JMY: variants seen among roughly 807,000 people sequenced by gnomAD.
JMY encodes junction-mediating and -regulatory protein.
A neutral mutation model predicts 103.3 loss-of-function variants in JMY; 46 were observed. The ratio of observed to expected loss-of-function variants is 0.45; its 90% CI spans 0.35 to 0.57. The LOEUF is 0.57. JMY is among the 20% of genes least tolerant of loss of function. The pLI, the probability that JMY is intolerant of heterozygous loss-of-function variation, is 0.00. For synonymous variants in JMY, 526 were observed against 489.3 expected (o/e 1.07, Z -0.99); for missense variants, 1,238 against 1,255.2 (o/e 0.99, Z 0.21).
At chr5:79,271,320 T>C (rs975540119) in intron 1 of JMY, among the ~76,000 whole-genome samples, 5 of 152,162 alleles carry the variant, frequency 3.3e-5, no homozygotes, top group African/African-American at 1.2e-4. Context: ...GTGCAATCCA[T>C]CATGCTCAGC....
chr5:79,262,768 A>C (rs1320841658), intron 1 of JMY, among the ~76,000 whole-genome samples: 2 of 152,248 alleles, frequency 1.3e-5, no homozygotes, highest in African/African-American at 4.8e-5. Flanking sequence ...GGTGCTGCAT[A>C]ATAGCTTTGT....
chr5:79,247,884 ATATTT>A (rs1168365480), intron 1 of JMY, among the ~76,000 whole-genome samples: 77 of 144,178 alleles, frequency 5.3e-4, no homozygotes, highest in African/African-American at 1.9e-3. Context: ...ATTTTATTTT[ATATTT>A]TATTTTATTT....
intron 2 of JMY, chr5:79,284,777 G>A (rs1259304052): frequency 1.9e-6 from 3 of 1,574,748 alleles, no homozygotes; most frequent in Non-Finnish European, 1.7e-6. Context: ...CTGGTGATGA[G>A]CATCTTTCCA....
chr5:79,282,082 C>T (rs559928492), intron 2 of JMY, among the ~76,000 whole-genome samples: 1 of 152,214 alleles, frequency 6.6e-6, no homozygotes, highest in African/African-American at 2.4e-5. Context: ...TGGTGGCCAC[C>T]TGTAGTCCCA....
chr5:79,242,845 A>G (rs1161104160), intron 1 of JMY, among the ~76,000 whole-genome samples: 1 of 151,268 alleles, frequency 6.6e-6, no homozygotes, highest in Non-Finnish European at 1.5e-5. Flanking sequence ...GTACAATGGC[A>G]GTATCTCAGC....
intron 2 of JMY, among the ~76,000 whole-genome samples, chr5:79,281,422 A>G (rs1222999086): frequency 6.9e-6 from 1 of 145,886 alleles, no homozygotes; most frequent in Non-Finnish European, 1.5e-5. Flanking sequence ...ACAATCACAC[A>G]TCTAGGGCCT....
intron 1 of JMY, among the ~76,000 whole-genome samples, chr5:79,251,931 C>A (rs1054250973): frequency 2.0e-5 from 3 of 151,942 alleles, no homozygotes; most frequent in African/African-American, 7.3e-5. Flanking sequence ...TGTGCCACCA[C>A]GCCCGGCTAA....
chr5:79,316,053 C>T lies in JMY; in HGVS notation c.2713C>T (p.Leu905=), dbSNP rs763874319. ...LASLKRGSFH[L]KKVEQRTLPP... ...CTCCTTGAAGCGTGGTAGTTTTCAT[C>T]TGAAAAAGGTTGAACAGCGAACTCT... The change falls in exon 10 of 11, where the codon CTG becomes TTG. Residue 905 remains leucine, a synonymous_variant. Coordinates refer to ENST00000396137, the MANE Select transcript of JMY (RefSeq NM_152405.5). 3 of 1,614,192 alleles carry T rather than the reference C, an allele frequency of 1.9e-6. No homozygotes were observed. The highest frequency in any genetic ancestry group is 2.5e-6 in the Non-Finnish European group (3 of 1,180,026).
chr5:79,275,561 C>T (rs1745914785), intron 1 of JMY, among the ~76,000 whole-genome samples: 1 of 152,202 alleles, frequency 6.6e-6, no homozygotes. Context: ...AGAGCCCTCC[C>T]TGCTTCCAAG....
At chr5:79,315,925 C>T (rs1029179057) in intron 9 of JMY, 75 bp from the exon 10 acceptor site, 7 of 1,294,126 alleles carry the variant, frequency 5.4e-6, no homozygotes, top group East Asian at 2.3e-5. Flanking sequence ...CAGTTGCGAA[C>T]GGTAGAGGTT....
chr5:79,309,686 C>A (rs1410600128), intron 7 of JMY, among the ~76,000 whole-genome samples: 1 of 152,178 alleles, frequency 6.6e-6, no homozygotes, highest in Non-Finnish European at 1.5e-5. Context: ...ATTTTAACCA[C>A]ATAAAATTAG....
chr5:79,275,318 G>A (rs1291863125), intron 1 of JMY, among the ~76,000 whole-genome samples: 2 of 151,970 alleles, frequency 1.3e-5, no homozygotes, highest in African/African-American at 2.4e-5. Context: ...CCGCCACCAC[G>A]CCTGGCTAAT....
At position 79,324,391 on chromosome 5, in the gene JMY, C is replaced by T. The variant is rs1474879722; in HGVS notation, c.*2789C>T. 1 of 152,152 alleles carries T rather than the reference C, an allele frequency of 6.6e-6. No homozygotes were observed. The highest frequency in any genetic ancestry group is 2.4e-5 in the African/African-American group (1 of 41,430). The allele number at this position is 152,152 out of a possible 1,614,324, so 9.4% of individuals were successfully genotyped here. On this transcript the variant is annotated 3_prime_UTR_variant, in exon 11 of 11. Transcript: ENST00000396137. ...ACACATTTCTGTTAATATATGATTTCTGTATCCACAAACCGCTGTTTGCTT... is the reference window on the plus strand; with the variant it reads ...ACACATTTCTGTTAATATATGATTTTTGTATCCACAAACCGCTGTTTGCTT...
chr5:79,285,383 T>G (rs1746237546), intron 2 of JMY, among the ~76,000 whole-genome samples: 1 of 151,548 alleles, frequency 6.6e-6, no homozygotes, highest in Non-Finnish European at 1.5e-5. Flanking sequence ...ATGGGCTGCA[T>G]TTCAGTATCT....
At position 79,324,501 on chromosome 5, in the gene JMY, G is replaced by C. The variant is rs1747567194; in HGVS notation, c.*2899G>C. Reference sequence around the variant, plus strand: ...TAGGTAAAACAAGTAAATGAGTTTGGGACATTTTGAGATTAATGTTACTGC... The same window carrying C: ...TAGGTAAAACAAGTAAATGAGTTTGCGACATTTTGAGATTAATGTTACTGC... On this transcript the variant is annotated 3_prime_UTR_variant, in exon 11 of 11. Coordinates refer to ENST00000396137, the MANE Select transcript of JMY (RefSeq NM_152405.5). 6.6e-6 allele frequency: 1 copy of C among 152,106 alleles called. No homozygotes were observed. The highest frequency in any genetic ancestry group is 2.1e-4 in the South Asian group (1 of 4,826). 9.4% of individuals were successfully genotyped at this position (152,106 alleles called of 1,614,324 possible). A position where few individuals can be genotyped will look rare whatever the true frequency, so the allele number is the denominator to read the frequency against.
At chr5:79,305,811 A>C (rs1302176117) in intron 6 of JMY, among the ~76,000 whole-genome samples, 1 of 152,232 alleles carries the variant, frequency 6.6e-6, no homozygotes, top group African/African-American at 2.4e-5. Context: ...CAAAAAATTC[A>C]TGGTCTTTAA....
At chr5:79,291,044 CTT>C (rs1303749080) in intron 3 of JMY, 84 bp from the exon 4 acceptor site, 1 of 936,782 alleles carries the variant, frequency 1.1e-6, no homozygotes, top group Non-Finnish European at 1.5e-6. Flanking sequence ...ATTTGTTTCT[CTT>C]TGTGTGGTCA....
chr5:79,268,765 G>A (rs907389133), intron 1 of JMY, among the ~76,000 whole-genome samples: 26 of 152,278 alleles, frequency 1.7e-4, no homozygotes, highest in African/African-American at 5.5e-4. Flanking sequence ...TGGGATTACA[G>A]GCGTGAGCCA....
intron 7 of JMY, among the ~76,000 whole-genome samples, chr5:79,308,926 GTCTT>G (rs1203590817): frequency 3.9e-5 from 6 of 151,968 alleles, no homozygotes; most frequent in African/African-American, 1.5e-4. Context: ...AGATACCTAA[GTCTT>G]TCTTCCTCTT....
Sources: gnomAD v4.1 joint callset for allele counts (sites outside exome capture counted in the v4.1 genomes callset) on GRCh38, gnomAD v4.1.1 for gene constraint, MANE v1.5 for transcripts, NCBI Gene and HGNC (gene_info 2026-07-23, HGNC 2026-07-21) for gene names.